MARF1: variants seen among roughly 807,000 people sequenced by gnomAD.
MARF1 encodes the protein meiosis regulator and mRNA stability factor 1, also known as limkain-b1.
Under a neutral mutation model 168.2 loss-of-function variants are expected in MARF1, and 24 were observed. That is an observed-to-expected ratio of 0.14 (90% CI 0.10 to 0.20). The LOEUF is 0.20. Ranked by LOEUF, MARF1 falls within the 10% of genes least tolerant of loss-of-function variation. MARF1 has a pLI of 1.00. For missense variants in MARF1, 1,744 were observed against 2,143.6 expected (o/e 0.81, Z 3.68); for synonymous variants, 868 against 822.4 (o/e 1.06, Z -0.95).
Position 15,636,073 on chromosome 16 carries a change from C to A in MARF1, c.414G>T (p.Ser138=), listed in dbSNP as rs369662480. 2 of 1,614,206 alleles carry A rather than the reference C, an allele frequency of 1.2e-6. No homozygotes were observed. The highest frequency in any genetic ancestry group is 3.3e-5 in the Admixed American group (2 of 60,026). ...GACACGTGATTGTCCTGGTGCTTTG[C>A]GAGTCTAACAGTGCGCCCGGGTGAA... ...SLIHPGALLD[S]QSTRTITCQV... is the part of the protein sequence containing the mutation. The change falls in exon 3 of 27, where the codon TCG becomes TCT. Residue 138 remains serine, a synonymous_variant. Coordinates refer to ENST00000396368, the MANE Select transcript of MARF1 (RefSeq NM_014647.4).
Position 15,616,015 on chromosome 16 carries a change from GA to G in MARF1, c.3078-11del, listed in dbSNP as rs767528852. 4.8e-6 allele frequency: 7 copies of G among 1,469,474 alleles called. No homozygotes were observed. The highest frequency in any genetic ancestry group is 5.4e-6 in the Non-Finnish European group (6 of 1,102,886). 91.0% of individuals were successfully genotyped at this position (1,469,474 alleles called of 1,614,324 possible). A position where few individuals can be genotyped will look rare whatever the true frequency, so the allele number is the denominator to read the frequency against. ...GTAACAATCTGGAAAGCTGAAATAG[GA>G]AAAAACAACAAAAAAAGGAAAGGTT... On this transcript the variant is annotated splice_polypyrimidine_tract_variant and intron_variant, in intron 15 of 26. Transcript: ENST00000396368.
rs1567531414 is a variant in MARF1, at chr16:15,602,619, G to GAAGA, written c.4414-417_4414-416insTCTT. The stretch of plus-strand genomic sequence containing the variant: ...AAGACAAAGAAGAAGAAAGGAGGAG[G>GAAGA]AGGAAGGAAAGAAGGAAGAGGAGAA... On this transcript the variant is annotated intron_variant, in intron 22 of 26. Transcript: ENST00000396368. The GAAGA allele has an allele frequency of 1.3e-4, 15 of 119,690 alleles. No homozygotes were observed. In the African/African-American group the frequency reaches 4.0e-3, roughly 32 times the overall value. The allele number at this position is 119,690 out of a possible 1,614,324, so 7.4% of individuals were successfully genotyped here.
chr16:15,604,997 G>C (rs774957806), intron 21 of MARF1, among the ~76,000 whole-genome samples: 10 of 152,192 alleles, frequency 6.6e-5, no homozygotes, highest in Non-Finnish European at 1.3e-4. Flanking sequence ...AGATTCTCAA[G>C]GAGATAAAGG....
intron 21 of MARF1, among the ~76,000 whole-genome samples, chr16:15,606,721 C>T (rs1194318527): frequency 6.6e-6 from 1 of 152,118 alleles, no homozygotes; most frequent in East Asian, 1.9e-4. Flanking sequence ...ACCTCAAGGC[C>T]CTCCTGTCTT....
At chr16:15,599,072 C>T (rs778224736) in intron 25 of MARF1, 48 bp from the exon 26 acceptor site, 1 of 1,560,928 alleles carries the variant, frequency 6.4e-7, no homozygotes, top group South Asian at 1.1e-5. Context: ...CCACGCCCAC[C>T]CCCAGCACAC....
chr16:15,625,308 C>T lies in MARF1; in HGVS notation c.1953+64G>A, dbSNP rs2034770243. 5.8e-6 allele frequency: 9 copies of T among 1,551,268 alleles called. No individual in the cohort carries two copies. The East Asian group carries it at 9.0e-5, about 16-fold the overall frequency. On this transcript the variant is annotated intron_variant, in intron 8 of 26. Coordinates refer to ENST00000396368, the MANE Select transcript of MARF1 (RefSeq NM_014647.4). ...GGGACACGCCAAAAGCAAGCGGGCA[C>T]GTAAAACACAGAAACAAACCAAACC...
rs2032297979 is a variant in MARF1, at chr16:15,600,431, T to C, written c.4810A>G (p.Ser1604Gly). The change falls in exon 25 of 27, where the codon AGT becomes GGT. Residue 1604 changes from serine (S) to glycine (G), a missense_variant. By Grantham distance (56) the Ser-to-Gly change is moderately conservative. This residue lies in a region of MARF1 where 313 missense variants were observed against 337.4 expected (regional missense o/e 0.93). Transcript: ENST00000396368. ...GTCTCTGCTTTTCCTCTCTTACCAC[T>C]GCCGTCAGCTCCAAGCTTGAGTTCC... ...ASELKLGADGSGPSHTEQELL... is the reference protein window; with the variant it reads ...ASELKLGADGGGPSHTEQELL... 6.2e-7 allele frequency: 1 copy of C among 1,614,154 alleles called. No homozygotes were observed. The highest frequency in any genetic ancestry group is 8.5e-7 in the Non-Finnish European group (1 of 1,180,032).
intron 13 of MARF1, among the ~76,000 whole-genome samples, chr16:15,618,564 AT>A (rs2034231146): frequency 1.3e-5 from 2 of 152,122 alleles, no homozygotes; most frequent in South Asian, 4.2e-4. Flanking sequence ...ATGGCCTTGG[AT>A]CCCCCCATTC....
chr16:15,604,141 G>A (rs762172787), intron 22 of MARF1, 27 bp downstream of exon 22: 1 of 1,504,022 alleles, frequency 6.6e-7, no homozygotes, highest in Non-Finnish European at 9.3e-7. Flanking sequence ...TTCAATGATA[G>A]TTCTAAAGAG....
At chr16:15,625,285 G>C in intron 8 of MARF1, 87 bp downstream of exon 8, 1 of 1,547,016 alleles carries the variant, frequency 6.5e-7, no homozygotes, top group Middle Eastern at 1.8e-4. Flanking sequence ...ATCAAAAAGG[G>C]ACACGCCAAA....
At chr16:15,624,655 G>A in intron 10 of MARF1, 114 bp downstream of exon 10, 1 of 970,450 alleles carries the variant, frequency 1.0e-6, no homozygotes, top group Non-Finnish European at 1.6e-6. Flanking sequence ...AAGAGTGATG[G>A]GAGACTTACT....
rs2032142885 is a variant in MARF1, at chr16:15,599,180, AACC to A, written c.4814-159_4814-157del. On this transcript the variant is annotated intron_variant, in intron 25 of 26. Transcript: ENST00000396368. ...AAAAAAAAAAAAAAAAAAAAACAAA[AACC>A]CAAAACCCACTAACAGGAAGATCCT... The A allele has an allele frequency of 1.4e-5, 10 of 696,698 alleles. No individual in the cohort carries two copies. The East Asian group carries it at 3.3e-4, about 23-fold the overall frequency. 43.2% of individuals were successfully genotyped at this position (696,698 alleles called of 1,614,324 possible).
chr16:15,610,916 A>G (rs1209600164), intron 19 of MARF1, 59 bp downstream of exon 19: 5 of 1,539,258 alleles, frequency 3.2e-6, no homozygotes, highest in Non-Finnish European at 4.5e-6. Flanking sequence ...TCCATGCCAC[A>G]CTATGTTAAA....
intron 16 of MARF1, among the ~76,000 whole-genome samples, 169 bp from the exon 17 acceptor site, chr16:15,612,946 A>G (rs1036412070): frequency 3.9e-5 from 6 of 152,220 alleles, no homozygotes; most frequent in Admixed American, 3.9e-4. Context: ...TCATAGTCCA[A>G]TAACTAGCTA....
rs932416180 is a variant in MARF1 at position 15,594,526 on chromosome 16, C to T, written c.*2167G>A. The T allele has an allele frequency of 2.0e-5, 3 of 152,542 alleles. No individual in the cohort carries two copies. Among genetic ancestry groups the T allele is most frequent in the African/African-American group, 7.2e-5 (3 of 41,404 alleles). 9.4% of individuals were successfully genotyped at this position (152,542 alleles called of 1,614,324 possible). A position where few individuals can be genotyped will look rare whatever the true frequency, so the allele number is the denominator to read the frequency against. ...TCCCCCAAACCCAATCCAAAACAAA[C>T]AGTGCAAGATGGGAAAGGGGGTTTT... On this transcript the variant is annotated 3_prime_UTR_variant, in exon 27 of 27. Coordinates refer to ENST00000396368, the MANE Select transcript of MARF1 (RefSeq NM_014647.4).
Position 15,635,744 on chromosome 16 carries a change from G to C in MARF1, c.743C>G (p.Pro248Arg), listed in dbSNP as rs2035548985. 1 of 1,614,236 alleles carries C rather than the reference G, an allele frequency of 6.2e-7. No homozygotes were observed. Among genetic ancestry groups the C allele is most frequent in the African/African-American group, 1.3e-5 (1 of 75,054 alleles). Residue 248 changes from proline to arginine, a missense_variant, in exon 3 of 27, where the codon CCT (proline) becomes CGT (arginine). By Grantham distance (103) the Pro-to-Arg change is moderately radical. Transcript: ENST00000396368. ...EEHISQSELT[P>R]HLCTNSLHLN... Reference sequence around the variant, plus strand: ...GTGCAAAGAGTTGGTGCACAAGTGAGGCGTTAGCTCCGACTGTGAAATGTG... The same window carrying C: ...GTGCAAAGAGTTGGTGCACAAGTGACGCGTTAGCTCCGACTGTGAAATGTG...
At chr16:15,640,283 C>A (rs984873282) in intron 1 of MARF1, among the ~76,000 whole-genome samples, 2 of 152,172 alleles carry the variant, frequency 1.3e-5, no homozygotes, top group African/African-American at 4.8e-5. Flanking sequence ...CAAATTGAAC[C>A]AATTTCTTAG....
At chr16:15,599,051 C>T in intron 25 of MARF1, 27 bp from the exon 26 acceptor site, 1 of 1,604,158 alleles carries the variant, frequency 6.2e-7, no homozygotes, top group East Asian at 2.2e-5. Flanking sequence ...GGCCGTGACA[C>T]CACAGGACCT....
intron 26 of MARF1, among the ~76,000 whole-genome samples, chr16:15,597,831 C>A (rs545524416): frequency 3.6e-4 from 55 of 151,906 alleles, no homozygotes; most frequent in Middle Eastern, 3.4e-3. Flanking sequence ...GTGCCACCAA[C>A]CCTAGGGGGG....
Sources: gnomAD v4.1 joint callset for allele counts (sites outside exome capture counted in the v4.1 genomes callset) on GRCh38, gnomAD v4.1.1 for gene constraint, gnomAD v4.1.1 regional missense constraint, MANE v1.5 for transcripts, NCBI Gene and HGNC (gene_info 2026-07-23, HGNC 2026-07-21) for gene names.